Variants in EDA observed in about 807,000 individuals in gnomAD.
EDA encodes the protein ectodysplasin-A.
EDA carries 2 observed loss-of-function variants against 23.6 expected under a neutral mutation model. The ratio of observed to expected loss-of-function variants is 0.08; its 90% CI spans 0.03 to 0.27. The LOEUF (loss-of-function observed/expected upper bound fraction) is 0.27. Among genes scored for constraint, EDA ranks in the 10% least tolerant of loss-of-function variants. The probability of loss-of-function intolerance (pLI) is 1.00; values close to 1 mark genes in which losing one functional copy is unlikely to be tolerated. For missense variants in EDA, 229 were observed against 324.2 expected, an observed-to-expected ratio of 0.71 and a Z score of 2.26; for synonymous variants, 131 against 132.0, an observed-to-expected ratio of 0.99 and a Z score of 0.05.
At chrX:69,853,856 TG>T (rs1291670874) in intron 1 of EDA, among the ~76,000 whole-genome samples, 1 of 112,336 alleles carries the variant, frequency 8.9e-6, no homozygotes, top group African/African-American at 3.2e-5. Context: ...GTTTTTTGTT[TG>T]TTTGTTTGTT....
intron 1 of EDA, among the ~76,000 whole-genome samples, chrX:69,710,065 C>G (rs2011916818): frequency 9.0e-6 from 1 of 111,542 alleles, no homozygotes; most frequent in Non-Finnish European, 1.9e-5. Context: ...ACTTGAAGTC[C>G]TTGCCCATGC....
chrX:69,962,647 T>C (rs1038387219), intron 2 of EDA, among the ~76,000 whole-genome samples: 1 of 111,085 alleles, frequency 9.0e-6, no homozygotes, highest in Non-Finnish European at 1.9e-5. Context: ...GCCAGGCTGA[T>C]CTCAAACTCC....
At chrX:69,956,345 T>TCTTC (rs2019005011) in intron 1 of EDA, among the ~76,000 whole-genome samples, 3 of 51,521 alleles carry the variant, frequency 5.8e-5, no homozygotes, top group Non-Finnish European at 8.1e-5. Context: ...CTTTCTTCTT[T>TCTTC]TTTTTTTTTT....
chrX:69,636,581 C>T (rs1168427549), intron 1 of EDA, among the ~76,000 whole-genome samples: 1 of 107,473 alleles, frequency 9.3e-6, no homozygotes, highest in Non-Finnish European at 1.9e-5. Context: ...ACTATGTCCA[C>T]AATGCCTAGA....
intron 1 of EDA, among the ~76,000 whole-genome samples, chrX:69,684,973 G>A (rs887730518): frequency 8.9e-6 from 1 of 112,325 alleles, no homozygotes; most frequent in Non-Finnish European, 1.9e-5. Flanking sequence ...TAGTGAAGAT[G>A]AGAAGACTTT....
intron 1 of EDA, among the ~76,000 whole-genome samples, chrX:69,722,812 T>C (rs1460433631): frequency 8.9e-6 from 1 of 111,922 alleles, no homozygotes; most frequent in Non-Finnish European, 1.9e-5. Context: ...CTCTAAGCTA[T>C]TATTTCCTCA....
chrX:69,837,698 G>C (rs1428631948), intron 1 of EDA, among the ~76,000 whole-genome samples: 1 of 112,016 alleles, frequency 8.9e-6, no homozygotes, highest in Non-Finnish European at 1.9e-5. Flanking sequence ...CATGGAGATC[G>C]TCACCAGGAA....
intron 1 of EDA, among the ~76,000 whole-genome samples, chrX:69,734,241 A>T (rs2013163018): frequency 9.0e-6 from 1 of 111,264 alleles, no homozygotes; most frequent in African/African-American, 3.3e-5. Flanking sequence ...TATTTGTAGT[A>T]TTCTCTTATT....
chrX:69,706,246 A>G (rs964940643), intron 1 of EDA, among the ~76,000 whole-genome samples: 18 of 111,950 alleles, frequency 1.6e-4, no homozygotes, highest in Admixed American at 1.2e-3. Flanking sequence ...CCAGCCTAGG[A>G]TACATTTCAC....
rs186103379 is a variant in EDA at position 69,829,572 on chromosome X, T to C, written c.397-127455T>C. On this transcript the variant is annotated intron_variant, in intron 1 of 7. Coordinates refer to ENST00000374552, the MANE Select transcript of EDA (RefSeq NM_001399.5). ...ACAGATGGTTGTTTGCAAAGATGTA[T>C]GTGAGTGCTTGGTTACATGGGCTTC... is the stretch of plus-strand genomic sequence containing the variant. Among the ~76,000 whole-genome samples the C allele has an allele frequency of 3.7e-3, 420 of 112,256 alleles. 3 individuals are homozygous for C. The highest frequency in any genetic ancestry group is 0.013 in the African/African-American group (404 of 30,969).
rs191212238 is a variant in EDA at position 69,825,593 on chromosome X, C to G, written c.397-131434C>G. Among the ~76,000 whole-genome samples the G allele has an allele frequency of 2.0e-4, 12 of 60,754 alleles. No homozygotes were observed. The East Asian group carries it at 5.7e-3, about 29-fold the overall frequency. 52.8% of individuals were successfully genotyped at this position (60,754 alleles called of 115,157 possible). ...GTCTATTTGATTCTTCTCTCTTTTT[C>G]TCTTTATTAGTCTTGCTAGTGGTCT... On this transcript the variant is annotated intron_variant, in intron 1 of 7. Transcript: ENST00000374552.
intron 1 of EDA, among the ~76,000 whole-genome samples, chrX:69,796,159 C>T (rs2015537702): frequency 8.9e-6 from 1 of 112,282 alleles, no homozygotes; most frequent in South Asian, 3.8e-4. Context: ...GCCACTGCCA[C>T]TGACATCGCC....
chrX:69,678,476 T>C (rs1433385130), intron 1 of EDA, among the ~76,000 whole-genome samples: 2 of 111,953 alleles, frequency 1.8e-5, no homozygotes, highest in African/African-American at 6.5e-5. Flanking sequence ...CTTCCATTTG[T>C]TTGTATCCTC....
intron 1 of EDA, among the ~76,000 whole-genome samples, chrX:69,787,267 A>C (rs2147462150): frequency 1.0e-5 from 1 of 100,108 alleles, no homozygotes; most frequent in South Asian, 4.8e-4. Flanking sequence ...TGTGTCTTTT[A>C]ATTGGAGCAT....
chrX:69,746,024 C>A (rs2013608493), intron 1 of EDA, among the ~76,000 whole-genome samples: 1 of 111,068 alleles, frequency 9.0e-6, no homozygotes. Context: ...ATCTTCCACT[C>A]CTTCCCTCCT....
intron 2 of EDA, among the ~76,000 whole-genome samples, chrX:69,974,824 T>C (rs1203244664): frequency 9.0e-6 from 1 of 111,690 alleles, no homozygotes; most frequent in Non-Finnish European, 1.9e-5. Flanking sequence ...CAGACACTTC[T>C]CAAAAGAAGA....
intron 1 of EDA, among the ~76,000 whole-genome samples, chrX:69,754,209 G>A (rs1483894779): frequency 2.7e-5 from 3 of 111,979 alleles, no homozygotes; most frequent in African/African-American, 9.7e-5. Flanking sequence ...GGCTGGTACT[G>A]GTTGTTCCTT....
At chrX:69,729,677 A>T (rs1054622190) in intron 1 of EDA, among the ~76,000 whole-genome samples, 1 of 111,868 alleles carries the variant, frequency 8.9e-6, no homozygotes, top group Non-Finnish European at 1.9e-5. Flanking sequence ...TCAACAGTCC[A>T]GTATGTTCTA....
intron 1 of EDA, among the ~76,000 whole-genome samples, chrX:69,815,304 GCTT>G (rs777419682): frequency 9.0e-6 from 1 of 111,694 alleles, no homozygotes; most frequent in African/African-American, 3.3e-5. Flanking sequence ...TGGCCAAACT[GCTT>G]CTTTAAGCAG....
Sources: gnomAD v4.1 joint callset for allele counts (sites outside exome capture counted in the v4.1 genomes callset) on GRCh38, gnomAD v4.1.1 for gene constraint, MANE v1.5 for transcripts, NCBI Gene and HGNC (gene_info 2026-07-23, HGNC 2026-07-21) for gene names.